Variants in AFF3 observed in about 807,000 individuals in gnomAD.
AFF3 encodes AF4/FMR2 family member 3.
A neutral mutation model predicts 129.7 loss-of-function variants in AFF3; 32 were observed. The observed-to-expected ratio is 0.25, with a 90% confidence interval of 0.19 to 0.33. AFF3 has a LOEUF of 0.33. AFF3 is among the 10% of genes least tolerant of loss of function. The probability of loss-of-function intolerance (pLI) is 1.00; values close to 1 mark genes in which losing one functional copy is unlikely to be tolerated. For missense variants in AFF3, 1,373 were observed against 1,592.0 expected, an observed-to-expected ratio of 0.86 and a Z score of 2.34; for synonymous variants, 644 against 635.4, an observed-to-expected ratio of 1.01 and a Z score of -0.20.
chr2:99,766,113 G>A (rs984232396), intron 8 of AFF3, among the ~76,000 whole-genome samples: 1 of 152,204 alleles, frequency 6.6e-6, no homozygotes, highest in African/African-American at 2.4e-5. Context: ...TGATGACAGG[G>A]CAGTGATTAC....
Position 99,615,406 on chromosome 2 carries a change from T to C in AFF3, c.1185-13785A>G, listed in dbSNP as rs562730044. 5.9e-5 allele frequency among the ~76,000 whole-genome samples: 9 copies of C among 152,364 alleles called. No homozygotes were observed. The East Asian group carries it at 1.5e-3, about 26-fold the overall frequency. ...ACTGTGACAAGCGGCAGCTGCCTTCTGGTGATACAACTCGCCTCCCCACTT... is the reference window on the plus strand; with the variant it reads ...ACTGTGACAAGCGGCAGCTGCCTTCCGGTGATACAACTCGCCTCCCCACTT... On this transcript the variant is annotated intron_variant, in intron 13 of 24. Transcript: ENST00000672756.
chr2:99,849,208 GT>G (rs1312423999), intron 7 of AFF3, among the ~76,000 whole-genome samples: 4 of 152,082 alleles, frequency 2.6e-5, no homozygotes, highest in Non-Finnish European at 5.9e-5. Flanking sequence ...GATGGCAATA[GT>G]AAGAGAATGT....
chr2:99,743,774 T>G (rs1215147791), intron 10 of AFF3, among the ~76,000 whole-genome samples: 1 of 152,194 alleles, frequency 6.6e-6, no homozygotes, highest in African/African-American at 2.4e-5. Context: ...TCCTTTAATT[T>G]AGACAACCAA....
At chr2:99,756,703 T>C (rs1259979485) in intron 8 of AFF3, among the ~76,000 whole-genome samples, 1 of 152,212 alleles carries the variant, frequency 6.6e-6, no homozygotes, top group Non-Finnish European at 1.5e-5. Flanking sequence ...CAGCTGATCT[T>C]CATTTCTCTA....
intron 13 of AFF3, among the ~76,000 whole-genome samples, chr2:99,643,101 C>G (rs1259451092): frequency 1.7e-5 from 2 of 120,728 alleles, no homozygotes; most frequent in Non-Finnish European, 3.2e-5. Flanking sequence ...GCTCTGTCAT[C>G]CAGGCTGGAG....
intron 13 of AFF3, among the ~76,000 whole-genome samples, chr2:99,648,034 T>C (rs1684849851): frequency 6.6e-6 from 1 of 152,248 alleles, no homozygotes. Flanking sequence ...TGTCTTTGTA[T>C]TTGTGACCAT....
At position 99,602,541 on chromosome 2, in the gene AFF3, C is replaced by T. The variant is rs190829970; in HGVS notation, c.1185-920G>A. Among the ~76,000 whole-genome samples, 184 of 152,256 alleles carry T rather than the reference C, an allele frequency of 1.2e-3. 1 individual carries two copies. Among genetic ancestry groups the T allele is most frequent in the Non-Finnish European group, 2.2e-3 (151 of 68,020 alleles). On this transcript the variant is annotated intron_variant, in intron 13 of 24. Coordinates refer to ENST00000672756, the MANE Select transcript of AFF3 (RefSeq NM_001386135.1). ...TTGAGCAGAAAAGAAAATTTCAGTACTCACATAATATTCAACATCTTCAAA... is the reference window on the plus strand; with the variant it reads ...TTGAGCAGAAAAGAAAATTTCAGTATTCACATAATATTCAACATCTTCAAA...
rs77512862 is a variant in AFF3 at position 99,676,289 on chromosome 2, C to T, written c.1092-3700G>A. Among the ~76,000 whole-genome samples the T allele has an allele frequency of 4.6e-3, 695 of 152,214 alleles. 5 individuals are homozygous for T. Among genetic ancestry groups the T allele is most frequent in the African/African-American group, 0.015 (615 of 41,528 alleles). ...CAGCTCTCATTGTTTAAGGGATGTC[C>T]GTCCGTAGCAGACCAGCTAAGTACT... On this transcript the variant is annotated intron_variant, in intron 11 of 24. Coordinates refer to ENST00000672756, the MANE Select transcript of AFF3 (RefSeq NM_001386135.1).
chr2:99,645,820 A>G (rs17782372), intron 13 of AFF3, among the ~76,000 whole-genome samples: 5,324 of 152,318 alleles, frequency 0.035, 115 homozygotes, highest in Non-Finnish European at 0.043. Flanking sequence ...CATACAGTCT[A>G]AACTGTCAGA....
intron 8 of AFF3, among the ~76,000 whole-genome samples, chr2:99,820,022 G>C (rs76593892): frequency 0.03 from 4,570 of 152,318 alleles, 115 homozygotes; most frequent in Middle Eastern, 0.088. Flanking sequence ...CCAACATTTC[G>C]AGATGCATTA....
At chr2:99,640,536 T>G (rs117538413) in intron 13 of AFF3, among the ~76,000 whole-genome samples, 1 of 152,270 alleles carries the variant, frequency 6.6e-6, no homozygotes, top group East Asian at 1.9e-4. Context: ...CCAGACCAAG[T>G]TCAAGGACTC....
chr2:100,053,301 T>C lies in AFF3; in HGVS notation c.54-44369A>G, dbSNP rs750975569. On this transcript the variant is annotated intron_variant, in intron 4 of 24. Transcript: ENST00000672756. ...TGTTTGACAGTACCCGAGAGTTGAC[T>C]CTGAGAGTGGTCTTCTAATAACTGT... Among the ~76,000 whole-genome samples, 47 of 152,262 alleles carry C rather than the reference T, an allele frequency of 3.1e-4. 1 individual carries two copies. Among genetic ancestry groups the C allele is most frequent in the Non-Finnish European group, 2.8e-4 (19 of 68,046 alleles).
chr2:99,672,735 T>TTA, intron 11 of AFF3, 146 bp from the exon 12 acceptor site: 1 of 761,100 alleles, frequency 1.3e-6, no homozygotes. Flanking sequence ...TTTCTTTCCT[T>TTA]CTTATGCACT....
intron 8 of AFF3, among the ~76,000 whole-genome samples, chr2:99,828,396 G>A (rs1051081371): frequency 1.4e-4 from 21 of 152,200 alleles, no homozygotes; most frequent in Non-Finnish European, 1.5e-4. Flanking sequence ...CTGGCTGCCT[G>A]GAGGGGTCCG....
intron 7 of AFF3, among the ~76,000 whole-genome samples, chr2:99,957,523 G>A (rs966068871): frequency 6.6e-5 from 10 of 152,130 alleles, no homozygotes; most frequent in African/African-American, 1.2e-4. Context: ...AAAATGACAC[G>A]GTGCAGTCAC....
intron 7 of AFF3, among the ~76,000 whole-genome samples, chr2:99,980,683 C>T (rs1290491295): frequency 2.0e-5 from 3 of 152,136 alleles, no homozygotes; most frequent in Non-Finnish European, 4.4e-5. Flanking sequence ...AAAATACATG[C>T]CTTTCAGTCA....
At chr2:99,946,786 C>T (rs777891813) in intron 7 of AFF3, among the ~76,000 whole-genome samples, 10 of 152,188 alleles carry the variant, frequency 6.6e-5, no homozygotes, top group Non-Finnish European at 1.2e-4. Flanking sequence ...ATAAGTCATA[C>T]TTAACCTACT....
At chr2:99,938,968 C>T (rs924774095) in intron 7 of AFF3, among the ~76,000 whole-genome samples, 17 of 152,200 alleles carry the variant, frequency 1.1e-4, no homozygotes, top group African/African-American at 4.1e-4. Flanking sequence ...TCATTACTCG[C>T]TCTTATATGG....
chr2:100,022,154 A>G, intron 4 of AFF3, among the ~76,000 whole-genome samples: 1 of 152,228 alleles, frequency 6.6e-6, no homozygotes, highest in East Asian at 1.9e-4. Flanking sequence ...TAACAATGTC[A>G]GAAAACCAAG....
Sources: gnomAD v4.1 joint callset for allele counts (sites outside exome capture counted in the v4.1 genomes callset) on GRCh38, gnomAD v4.1.1 for gene constraint, MANE v1.5 for transcripts, NCBI Gene and HGNC (gene_info 2026-07-23, HGNC 2026-07-21) for gene names.